The following IL1RAPL1 variants were observed in gnomAD, a reference collection of about 807,000 sequenced individuals.
IL1RAPL1 encodes interleukin-1 receptor accessory protein-like 1.
Under a neutral mutation model 48.4 loss-of-function variants are expected in IL1RAPL1, and 3 were observed. The observed-to-expected ratio is 0.06, with a 90% CI of 0.03 to 0.16. The LOEUF is 0.16. Among genes scored for constraint, IL1RAPL1 ranks in the 10% least tolerant of loss-of-function variants. The pLI, the probability that IL1RAPL1 is intolerant of heterozygous loss-of-function variation, is 1.00. For synonymous variants in IL1RAPL1, 185 were observed against 187.7 expected (o/e 0.99, Z 0.12); for missense variants, 349 against 530.6 (o/e 0.66, Z 3.36).
chrX:29,202,288 T>A (rs986768910), intron 2 of IL1RAPL1, among the ~76,000 whole-genome samples: 21 of 111,566 alleles, frequency 1.9e-4, no homozygotes, highest in African/African-American at 6.8e-4. Flanking sequence ...ATTAGGGGAA[T>A]GCAAATCAAA....
At chrX:29,189,957 A>G (rs913321230) in intron 2 of IL1RAPL1, among the ~76,000 whole-genome samples, 1 of 111,704 alleles carries the variant, frequency 9.0e-6, no homozygotes, top group Non-Finnish European at 1.9e-5. Context: ...GGTTTAAGAG[A>G]TAAGTGGTTT....
At chrX:29,030,384 ATG>A (rs1336375988) in intron 2 of IL1RAPL1, among the ~76,000 whole-genome samples, 1 of 111,343 alleles carries the variant, frequency 9.0e-6, no homozygotes, top group Non-Finnish European at 1.9e-5. Flanking sequence ...TGAACACAGT[ATG>A]TATTTCTATT....
chrX:29,683,254 C>G (rs1319760354), intron 6 of IL1RAPL1, among the ~76,000 whole-genome samples: 2 of 111,962 alleles, frequency 1.8e-5, no homozygotes, highest in African/African-American at 6.5e-5. Flanking sequence ...AGATAGATAG[C>G]TTAACAAACA....
chrX:28,804,909 C>G (rs1339236257), intron 2 of IL1RAPL1, among the ~76,000 whole-genome samples: 1 of 110,859 alleles, frequency 9.0e-6, no homozygotes, highest in African/African-American at 3.3e-5. Flanking sequence ...TATATCAGGG[C>G]ACAGTACAGA....
At chrX:28,953,752 A>C (rs1924531448) in intron 2 of IL1RAPL1, among the ~76,000 whole-genome samples, 1 of 111,148 alleles carries the variant, frequency 9.0e-6, no homozygotes, top group African/African-American at 3.3e-5. Flanking sequence ...ACTGGAGCTC[A>C]GATCTTCCAT....
At chrX:28,640,158 T>G (rs1601843250) in intron 1 of IL1RAPL1, among the ~76,000 whole-genome samples, 1 of 111,598 alleles carries the variant, frequency 9.0e-6, no homozygotes, top group South Asian at 3.8e-4. Flanking sequence ...TATTTAGGAC[T>G]TACTTGAACT....
intron 6 of IL1RAPL1, among the ~76,000 whole-genome samples, chrX:29,858,680 C>A (rs188208036): frequency 9.0e-6 from 1 of 111,705 alleles, no homozygotes; most frequent in East Asian, 2.8e-4. Context: ...TACCCTGGAG[C>A]TTGGATATTA....
intron 6 of IL1RAPL1, among the ~76,000 whole-genome samples, chrX:29,838,864 C>T (rs1379370445): frequency 6.2e-5 from 7 of 112,089 alleles, no homozygotes; most frequent in Non-Finnish European, 1.3e-4. Context: ...TTGGTCTCAG[C>T]TGGGGCTCAA....
chrX:29,722,676 G>A (rs778104488), intron 6 of IL1RAPL1, among the ~76,000 whole-genome samples: 5 of 111,209 alleles, frequency 4.5e-5, no homozygotes, highest in Middle Eastern at 4.6e-3. Context: ...TTATTACCTC[G>A]ATTTACATTG....
chrX:28,941,140 G>T (rs1924154552), intron 2 of IL1RAPL1, among the ~76,000 whole-genome samples: 1 of 110,898 alleles, frequency 9.0e-6, no homozygotes, highest in South Asian at 3.7e-4. Context: ...ATACACCAGT[G>T]AGTGACATAT....
chrX:29,921,991 T>G (rs1932851838), intron 8 of IL1RAPL1, among the ~76,000 whole-genome samples: 1 of 111,406 alleles, frequency 9.0e-6, no homozygotes, highest in African/African-American at 3.3e-5. Flanking sequence ...GAATTAGTCC[T>G]CAAAAATGGA....
intron 2 of IL1RAPL1, among the ~76,000 whole-genome samples, chrX:29,107,731 T>C (rs565781108): frequency 3.6e-5 from 4 of 112,505 alleles, no homozygotes; most frequent in African/African-American, 1.3e-4. Flanking sequence ...TTTTTTTGTC[T>C]ATTTTACCTG....
chrX:28,793,124 A>G lies in IL1RAPL1; in HGVS notation c.82+3699A>G, dbSNP rs139349159. 5.5e-3 allele frequency among the ~76,000 whole-genome samples: 591 copies of G among 107,965 alleles called. 3 individuals carry two copies. The highest frequency in any genetic ancestry group is 0.019 in the Middle Eastern group (4 of 211). 93.8% of individuals were successfully genotyped at this position (107,965 alleles called of 115,157 possible). A position where few individuals can be genotyped will look rare whatever the true frequency, so the allele number is the denominator to read the frequency against. On this transcript the variant is annotated intron_variant, in intron 2 of 10. Transcript: ENST00000378993. ...ATTTTTTTTAGTTTTTATAAGTAGC[A>G]CTTGATGAAAGAGGCTAAGATGACC...
At chrX:28,667,270 C>G (rs1202108136) in intron 1 of IL1RAPL1, among the ~76,000 whole-genome samples, 1 of 112,042 alleles carries the variant, frequency 8.9e-6, no homozygotes, top group African/African-American at 3.2e-5. Context: ...CACCGTTACC[C>G]TGTAAAATAA....
At chrX:28,647,521 A>T (rs1461775123) in intron 1 of IL1RAPL1, among the ~76,000 whole-genome samples, 1 of 112,461 alleles carries the variant, frequency 8.9e-6, no homozygotes, top group Non-Finnish European at 1.9e-5. Context: ...AAAAAACATA[A>T]TTCTACAGAG....
At chrX:29,950,908 G>C (rs1933305365) in intron 9 of IL1RAPL1, among the ~76,000 whole-genome samples, 2 of 111,024 alleles carry the variant, frequency 1.8e-5, no homozygotes, top group African/African-American at 6.6e-5. Flanking sequence ...TCGATCTCCT[G>C]ACCTTGTGAT....
chrX:29,810,198 TATTTC>T (rs200009783), intron 6 of IL1RAPL1, among the ~76,000 whole-genome samples: 2 of 109,007 alleles, frequency 1.8e-5, no homozygotes, highest in Admixed American at 9.7e-5. Flanking sequence ...TATTTTATTT[TATTTC>T]ATTTTGAGAC....
rs1187674053 is a variant in IL1RAPL1, at chrX:28,963,927, A to G, written c.82+174502A>G. Among the ~76,000 whole-genome samples the G allele has an allele frequency of 2.7e-5, 3 of 111,263 alleles. No homozygotes were observed. In the East Asian group the frequency reaches 8.4e-4, roughly 31 times the overall value. On this transcript the variant is annotated intron_variant, in intron 2 of 10. Transcript: ENST00000378993. Reference sequence around the variant, plus strand: ...CTTTCACAATTCATTATATTTTTATATGTATCATTCTACTCAATTTTCTCT... The same window carrying G: ...CTTTCACAATTCATTATATTTTTATGTGTATCATTCTACTCAATTTTCTCT...
intron 1 of IL1RAPL1, among the ~76,000 whole-genome samples, chrX:28,600,067 C>T (rs776988116): frequency 6.3e-5 from 7 of 111,440 alleles, no homozygotes; most frequent in Admixed American, 9.5e-5. Flanking sequence ...GAGCCACCAA[C>T]GGCAGGATGG....
Sources: allele counts gnomAD v4.1 joint callset (sites outside exome capture counted in the v4.1 genomes callset), GRCh38; gene constraint gnomAD v4.1.1; transcripts MANE v1.5; gene names NCBI Gene and HGNC (gene_info 2026-07-23, HGNC 2026-07-21).